Variants in PACRG observed in about 807,000 individuals in gnomAD.
PACRG encodes the protein parkin coregulated gene protein.
PACRG carries 29 observed loss-of-function variants against 29.7 expected under a neutral mutation model. That is an observed-to-expected ratio of 0.98 (90% CI 0.73 to 1.33). The LOEUF is 1.33. Among genes scored for constraint, PACRG ranks in the 40% most tolerant of loss-of-function variants. The pLI is 0.00. For missense variants in PACRG, 279 were observed against 316.2 expected (o/e 0.88, Z 0.89); for synonymous variants, 116 against 118.7 (o/e 0.98, Z 0.15).
Position 163,059,801 on chromosome 6 carries a change from C to A in PACRG, c.292-2349C>A, listed in dbSNP as rs74819573. Among the ~76,000 whole-genome samples, 1,067 of 152,304 alleles carry A rather than the reference C, an allele frequency of 7.0e-3. 7 individuals carry two copies. The highest frequency in any genetic ancestry group is 0.024 in the Middle Eastern group (7 of 294). ...AAATGAACTAGCACAGTGTTCACAACAGTGTCTGGCATCACAAACATTGGT... is the reference window on the plus strand; with the variant it reads ...AAATGAACTAGCACAGTGTTCACAAAAGTGTCTGGCATCACAAACATTGGT... On this transcript the variant is annotated intron_variant, in intron 2 of 4. Transcript: ENST00000366888.
At chr6:162,733,553 C>G (rs574455682) in intron 1 of PACRG, among the ~76,000 whole-genome samples, 1 of 152,172 alleles carries the variant, frequency 6.6e-6, no homozygotes, top group Admixed American at 6.5e-5. Flanking sequence ...TTGAGAAGGC[C>G]GAATCATGGC....
intron 1 of PACRG, among the ~76,000 whole-genome samples, chr6:162,785,825 C>G (rs762964557): frequency 6.6e-6 from 1 of 152,164 alleles, no homozygotes; most frequent in African/African-American, 2.4e-5. Context: ...GGCCACGGAC[C>G]ACTAGCGGTG....
intron 2 of PACRG, among the ~76,000 whole-genome samples, chr6:162,930,301 C>A (rs1220279628): frequency 6.6e-6 from 1 of 151,666 alleles, no homozygotes; most frequent in Admixed American, 6.6e-5. Flanking sequence ...TTGTATAGAT[C>A]TTTCACTCCT....
Position 163,055,131 on chromosome 6 carries a change from G to A in PACRG, c.292-7019G>A, listed in dbSNP as rs1403428121. Among the ~76,000 whole-genome samples, 1 of 152,160 alleles carries A rather than the reference G, an allele frequency of 6.6e-6. No individual in the cohort carries two copies. Among genetic ancestry groups the A allele is most frequent in the Non-Finnish European group, 1.5e-5 (1 of 68,030 alleles). ...GAGGGAACGGGAATGAGGAAGCAAG[G>A]ACAGTGATGATAAAGAATTCTCTTG... On this transcript the variant is annotated intron_variant, in intron 2 of 4. Coordinates refer to ENST00000366888, the MANE Select transcript of PACRG (RefSeq NM_001080379.2). The surrounding 1 kb of genome is among the most constrained non-coding windows in gnomAD (Gnocchi z 4.0).
intron 4 of PACRG, among the ~76,000 whole-genome samples, chr6:163,102,869 T>G (rs942856247): frequency 2.6e-5 from 4 of 152,122 alleles, no homozygotes; most frequent in African/African-American, 7.3e-5. Context: ...AGCTAGGGTT[T>G]GTTTGTTTGT....
At chr6:163,008,774 G>T (rs921181644) in intron 2 of PACRG, among the ~76,000 whole-genome samples, 1 of 151,532 alleles carries the variant, frequency 6.6e-6, no homozygotes, top group African/African-American at 2.4e-5. Flanking sequence ...TGGGTAACGT[G>T]AAAGGAGCTT....
intron 1 of PACRG, among the ~76,000 whole-genome samples, chr6:162,798,420 C>G (rs541023976): frequency 6.6e-6 from 1 of 152,268 alleles, no homozygotes; most frequent in South Asian, 2.1e-4. Flanking sequence ...CCTCAATGAT[C>G]TCCATCACTC....
chr6:163,177,595 C>T (rs1268756048), intron 4 of PACRG, among the ~76,000 whole-genome samples: 1 of 151,438 alleles, frequency 6.6e-6, no homozygotes, highest in Non-Finnish European at 1.5e-5. Context: ...AGAAGCCAGG[C>T]AACAGGGCCA....
intron 2 of PACRG, among the ~76,000 whole-genome samples, chr6:163,052,416 G>GT (rs1469429748): frequency 2.6e-4 from 40 of 152,180 alleles, no homozygotes; most frequent in Non-Finnish European, 5.7e-4. Flanking sequence ...AAGCATAAGA[G>GT]TAAGTCTCTG....
intron 2 of PACRG, among the ~76,000 whole-genome samples, chr6:162,980,834 A>G (rs1384215695): frequency 6.6e-6 from 1 of 152,184 alleles, no homozygotes; most frequent in Non-Finnish European, 1.5e-5. Flanking sequence ...GGTAATTACT[A>G]CAATACAAGT....
chr6:163,193,100 T>C (rs753768080), intron 4 of PACRG, among the ~76,000 whole-genome samples: 5 of 152,250 alleles, frequency 3.3e-5, no homozygotes, highest in Admixed American at 6.5e-5. Flanking sequence ...ATAATTCAAA[T>C]GAATATTTAT....
intron 2 of PACRG, among the ~76,000 whole-genome samples, chr6:163,032,261 G>C (rs1807737017): frequency 6.6e-6 from 1 of 152,312 alleles, no homozygotes; most frequent in East Asian, 1.9e-4. Context: ...TATTACTTTA[G>C]ACTTTCATTA....
intron 2 of PACRG, among the ~76,000 whole-genome samples, chr6:162,954,515 T>C (rs1156799725): frequency 6.6e-6 from 1 of 152,076 alleles, no homozygotes; most frequent in Non-Finnish European, 1.5e-5. Flanking sequence ...ATTTTTTTAC[T>C]GCACAACCCT....
At chr6:163,137,592 T>C (rs1159331246) in intron 4 of PACRG, among the ~76,000 whole-genome samples, 1 of 152,084 alleles carries the variant, frequency 6.6e-6, no homozygotes, top group Non-Finnish European at 1.5e-5. Context: ...GAGAACACCG[T>C]CAGTACTCCC....
At chr6:163,069,524 A>G (rs1436068536) in intron 3 of PACRG, among the ~76,000 whole-genome samples, 1 of 152,298 alleles carries the variant, frequency 6.6e-6, no homozygotes, top group South Asian at 2.1e-4. Flanking sequence ...TGAAGAATGC[A>G]TCAGAGTCTT....
intron 2 of PACRG, among the ~76,000 whole-genome samples, chr6:163,031,803 G>A (rs539359142): frequency 6.6e-6 from 1 of 152,200 alleles, no homozygotes; most frequent in African/African-American, 2.4e-5. Flanking sequence ...ATAACTTGGG[G>A]CTCCTGGACC....
intron 2 of PACRG, among the ~76,000 whole-genome samples, chr6:163,005,978 C>T (rs1805050969): frequency 6.9e-6 from 1 of 144,736 alleles, no homozygotes; most frequent in African/African-American, 2.5e-5. Flanking sequence ...TTGTTCATAA[C>T]AGTTATACAT....
intron 2 of PACRG, among the ~76,000 whole-genome samples, chr6:162,838,031 A>T (rs1789387643): frequency 6.6e-6 from 1 of 152,218 alleles, no homozygotes; most frequent in Admixed American, 6.5e-5. Context: ...GTAGGCAAGG[A>T]GGAAAAAAAG....
At chr6:163,162,223 G>A (rs1270503606) in intron 4 of PACRG, among the ~76,000 whole-genome samples, 1 of 152,176 alleles carries the variant, frequency 6.6e-6, no homozygotes, top group South Asian at 2.1e-4. Flanking sequence ...CAAAAAGGAC[G>A]GTCCTGCTAG....
Sources: allele counts gnomAD v4.1 joint callset (sites outside exome capture counted in the v4.1 genomes callset), GRCh38; gene constraint gnomAD v4.1.1; non-coding constraint Gnocchi (gnomAD v3.1); transcripts MANE v1.5; gene names NCBI Gene and HGNC (gene_info 2026-07-23, HGNC 2026-07-21).